Variants in GNA15 observed in about 807,000 individuals in gnomAD.
The protein encoded by GNA15 is guanine nucleotide-binding protein subunit alpha-15.
In GNA15, 23 loss-of-function variants were observed where a neutral mutation model predicts 40.1. That is an observed-to-expected ratio of 0.57 (90% confidence interval 0.41 to 0.81). The LOEUF (loss-of-function observed/expected upper bound fraction) is 0.81. Among genes scored for constraint, GNA15 ranks in the 40% least tolerant of loss-of-function variants. GNA15 has a pLI of 0.00. For synonymous variants in GNA15, 226 were observed against 210.4 expected (o/e 1.07, Z -0.64); for missense variants, 522 against 515.8 (o/e 1.01, Z -0.12).
In GNA15 at chr19:3,145,336, A is replaced by AATATATATATATAT. The variant is rs1191752115; in HGVS notation, c.146-3244_146-3231dup. Among the ~76,000 whole-genome samples the AATATATATATATAT allele has an allele frequency of 4.0e-3, 239 of 60,146 alleles. 1 individual carries two copies. Among genetic ancestry groups the AATATATATATATAT allele is most frequent in the Middle Eastern group, 0.01 (1 of 98 alleles). The allele number at this position is 60,146 out of a possible 152,430, so 39.5% of individuals were successfully genotyped here. On this transcript the variant is annotated intron_variant, in intron 1 of 6. Transcript: ENST00000262958. ...CAGTGTGCACCACTACGTCTGACTA[A>AATATATATATATAT]ATATATATATATATATATATATATT... is the stretch of plus-strand genomic sequence containing the variant.
intron 5 of GNA15, among the ~76,000 whole-genome samples, chr19:3,156,208 G>GAGCACACACGCACA (rs1555707146): frequency 1.6e-5 from 2 of 128,982 alleles, no homozygotes; most frequent in South Asian, 2.3e-4. Flanking sequence ...ACACACTACA[G>GAGCACACACGCACA]TGCACACACG....
rs1052327441 is a variant in GNA15 at position 3,136,874 on chromosome 19, C to T, written c.145+279C>T. Among the ~76,000 whole-genome samples the T allele has an allele frequency of 5.9e-5, 9 of 152,252 alleles. No individual in the cohort carries two copies. Among genetic ancestry groups the T allele is most frequent in the Non-Finnish European group, 1.0e-4 (7 of 68,040 alleles). ...CAATAGCAGACGTGGCTCTACCGGG[C>T]CCCTGCCGGGCAGGCCCAGCACGCC... is the stretch of plus-strand genomic sequence containing the variant. On this transcript the variant is annotated intron_variant, in intron 1 of 6. Transcript: ENST00000262958. The surrounding 1 kb of genome is among the most constrained non-coding windows in gnomAD (Gnocchi z 4.9).
Position 3,156,202 on chromosome 19 carries a change from A to ACT in GNA15, c.744+251_744+252dup, listed in dbSNP as rs1460277366. On this transcript the variant is annotated intron_variant, in intron 5 of 6. Coordinates refer to ENST00000262958, the MANE Select transcript of GNA15 (RefSeq NM_002068.4). The stretch of plus-strand genomic sequence containing the variant: ...CACACACACACACACACACACACAC[A>ACT]CTACAGTGCACACACGCACATACAC... Among the ~76,000 whole-genome samples the ACT allele has an allele frequency of 7.3e-3, 1,044 of 143,338 alleles. 11 individuals are homozygous for ACT. Among genetic ancestry groups the ACT allele is most frequent in the East Asian group, 0.05 (246 of 4,890 alleles). The allele number at this position is 143,338 out of a possible 152,430, so 94.0% of individuals were successfully genotyped here.
rs1045450594 is a variant in GNA15, at chr19:3,163,056, G to A, written c.*37G>A. 6.3e-6 allele frequency: 9 copies of A among 1,428,624 alleles called. No homozygotes were observed. Among genetic ancestry groups the A allele is most frequent in the Middle Eastern group, 1.8e-4 (1 of 5,678 alleles). 88.5% of individuals were successfully genotyped at this position (1,428,624 alleles called of 1,614,324 possible). ...CCTGGGGCAGGCGGCACCGGCGGGC[G>A]GGTGGGAGGTGGGAGTGGCTGCAGG... On this transcript the variant is annotated 3_prime_UTR_variant, in exon 7 of 7. Coordinates refer to ENST00000262958, the MANE Select transcript of GNA15 (RefSeq NM_002068.4).
At position 3,136,674 on chromosome 19, in the gene GNA15, G is replaced by T; in HGVS notation, c.145+79G>T. ...GGCAGGGGTGTCGGGGCAAGGAGGC[G>T]GATCAGGCTAGGTCAGACATTGGCA... On this transcript the variant is annotated intron_variant, in intron 1 of 6. Transcript: ENST00000262958. This position sits in a 1 kb window ranked among gnomAD's most constrained non-coding sequence, Gnocchi z 4.9. 1 of 1,347,674 alleles carries T rather than the reference G, an allele frequency of 7.4e-7. No individual in the cohort carries two copies. The highest frequency in any genetic ancestry group is 2.0e-5 in the Admixed American group (1 of 49,102). 83.5% of individuals were successfully genotyped at this position (1,347,674 alleles called of 1,614,324 possible).
Position 3,148,678 on chromosome 19 carries a change from TC to T in GNA15, c.235del (p.Arg79GlyfsTer15). The T allele has an allele frequency of 6.3e-7, 1 of 1,595,442 alleles. No individual in the cohort carries two copies. The highest frequency in any genetic ancestry group is 8.5e-7 in the Non-Finnish European group (1 of 1,171,394). ...AGYSEEERKG[F>X]RPLVYQNIFV... The stretch of plus-strand genomic sequence containing the variant: ...TACTCGGAGGAGGAGCGCAAGGGCT[TC>T]CGGCCCCTGGTCTACCAGAACATCT... On this transcript the variant is annotated frameshift_variant, in exon 2 of 7. Coordinates refer to ENST00000262958, the MANE Select transcript of GNA15 (RefSeq NM_002068.4). LOFTEE classifies it high-confidence loss of function.
chr19:3,142,627 T>G (rs750201362), intron 1 of GNA15, among the ~76,000 whole-genome samples: 9 of 151,914 alleles, frequency 5.9e-5, no homozygotes, highest in Non-Finnish European at 1.0e-4. Flanking sequence ...TCCCAGCACT[T>G]TGGGAGGCTG....
At chr19:3,145,830 G>A (rs1322191010) in intron 1 of GNA15, among the ~76,000 whole-genome samples, 2 of 151,400 alleles carry the variant, frequency 1.3e-5, no homozygotes, top group Non-Finnish European at 2.9e-5. Flanking sequence ...TTATAGGCGT[G>A]AGCCACTGTG....
chr19:3,158,644 CAG>C (rs1233907557), intron 6 of GNA15, among the ~76,000 whole-genome samples: 2 of 151,916 alleles, frequency 1.3e-5, no homozygotes, highest in South Asian at 2.1e-4. Context: ...CTTTTTGAGA[CAG>C]AGTCTCACTC....
chr19:3,147,639 G>C (rs1302620579), intron 1 of GNA15, among the ~76,000 whole-genome samples: 1 of 151,666 alleles, frequency 6.6e-6, no homozygotes, highest in Admixed American at 6.6e-5. Context: ...AGGCGCGGTG[G>C]CTCACGCTTG....
Position 3,151,929 on chromosome 19 carries a change from T to C in GNA15, c.614+94T>C. ...GGGCCCTGAGGGATGAGTAGGAGTT[T>C]CTTAGGCCCAGCCTTCAAGGAGCTG... On this transcript the variant is annotated intron_variant, in intron 4 of 6. Transcript: ENST00000262958. This position sits in a 1 kb window ranked among gnomAD's most constrained non-coding sequence, Gnocchi z 5.0. The C allele has an allele frequency of 3.3e-6, 3 of 910,794 alleles. No individual in the cohort carries two copies. The highest frequency in any genetic ancestry group is 4.8e-6 in the Non-Finnish European group (3 of 618,852). The allele number at this position is 910,794 out of a possible 1,614,324, so 56.4% of individuals were successfully genotyped here. A position where few individuals can be genotyped will look rare whatever the true frequency, so the allele number is the denominator to read the frequency against.
At chr19:3,154,166 T>TGGAG in intron 4 of GNA15, among the ~76,000 whole-genome samples, 1 of 86,418 alleles carries the variant, frequency 1.2e-5, no homozygotes, top group African/African-American at 3.8e-5. Context: ...ATGGGTGGGA[T>TGGAG]GGATGGATGG....
intron 1 of GNA15, among the ~76,000 whole-genome samples, chr19:3,146,031 C>T (rs373548933): frequency 2.0e-5 from 3 of 152,130 alleles, no homozygotes; most frequent in African/African-American, 7.2e-5. Flanking sequence ...GTGACACCCC[C>T]GCCCCTTCTC....
At chr19:3,141,417 A>G (rs1599319158) in intron 1 of GNA15, among the ~76,000 whole-genome samples, 1 of 152,150 alleles carries the variant, frequency 6.6e-6, no homozygotes, top group South Asian at 2.1e-4. Context: ...TATTTTTGAG[A>G]CAGAGTCTTA....
intron 6 of GNA15, among the ~76,000 whole-genome samples, chr19:3,160,871 G>C (rs919007657): frequency 6.7e-6 from 1 of 150,346 alleles, no homozygotes; most frequent in Non-Finnish European, 1.5e-5. Context: ...ATGCCTTTAT[G>C]TGTCCTCTCC....
chr19:3,148,506 AGTTGGGGGTGTCTGACGTGGG>A, intron 1 of GNA15, 64 bp from the exon 2 acceptor site: 1 of 1,288,114 alleles, frequency 7.8e-7, no homozygotes, highest in Admixed American at 2.5e-5. Flanking sequence ...CCTGGCGTGG[AGTTGGGGGTGTCTGACGTGGG>A]GTTGGGGGTG....
chr19:3,160,857 C>T (rs1209860977), intron 6 of GNA15, among the ~76,000 whole-genome samples: 2 of 151,912 alleles, frequency 1.3e-5, no homozygotes, highest in Non-Finnish European at 2.9e-5. Flanking sequence ...GCTGTCTTCT[C>T]ACCATGCCTT....
At chr19:3,142,307 G>C (rs1041403129) in intron 1 of GNA15, 1 of 152,158 alleles carries the variant, frequency 6.6e-6, no homozygotes. Flanking sequence ...ATCCTTTGTG[G>C]CTTCAGGACA....
chr19:3,155,775 C>T lies in GNA15; in HGVS notation c.615-48C>T, dbSNP rs775735490. The T allele has an allele frequency of 3.8e-6, 6 of 1,594,108 alleles. No individual in the cohort carries two copies. In the South Asian group the frequency reaches 4.5e-5, roughly 12 times the overall value. The stretch of plus-strand genomic sequence containing the variant: ...GACGTGATGGGGGTTGGGGGTGTCA[C>T]GGAGCAGGCTCCTGAGCTCTGAAAG... On this transcript the variant is annotated intron_variant, in intron 4 of 6. Coordinates refer to ENST00000262958, the MANE Select transcript of GNA15 (RefSeq NM_002068.4). The surrounding 1 kb of genome is among the most constrained non-coding windows in gnomAD (Gnocchi z 5.6).
Sources: gnomAD v4.1 joint callset for allele counts (sites outside exome capture counted in the v4.1 genomes callset) on GRCh38, gnomAD v4.1.1 for gene constraint, Gnocchi (gnomAD v3.1) non-coding constraint, MANE v1.5 for transcripts, NCBI Gene and HGNC (gene_info 2026-07-23, HGNC 2026-07-21) for gene names.